Variants in VPS13D observed in about 807,000 individuals in gnomAD.
The protein encoded by VPS13D is vacuolar protein sorting 13 homolog D, also known as intermembrane lipid transfer protein VPS13D.
A neutral mutation model predicts 461.9 loss-of-function variants in VPS13D; 187 were observed. That is an observed-to-expected ratio of 0.40 (90% CI 0.36 to 0.46). VPS13D has a LOEUF of 0.46. VPS13D is among the 20% of genes least tolerant of loss of function. The pLI, the probability that VPS13D is intolerant of heterozygous loss-of-function variation, is 0.60. For missense variants in VPS13D, 4,711 were observed against 5,364.9 expected, an observed-to-expected ratio of 0.88 and a Z score of 3.81; for synonymous variants, 1,951 against 1,986.3, an observed-to-expected ratio of 0.98 and a Z score of 0.47.
chr1:12,383,427 A>G (rs1304278586), intron 58 of VPS13D, among the ~76,000 whole-genome samples: 1 of 152,166 alleles, frequency 6.6e-6, no homozygotes, highest in Non-Finnish European at 1.5e-5. Context: ...TTAACAGTGC[A>G]TATTAATAGT....
At position 12,288,217 on chromosome 1, in the gene VPS13D, T is replaced by C. The variant is rs753025407; in HGVS notation, c.5635-6T>C. The stretch of plus-strand genomic sequence containing the variant: ...ATTGGCCTTGCTTTATCTTGTCTGT[T>C]CCTAGGTTCATTCACTTTCTCTAGT... On this transcript the variant is annotated splice_region_variant and splice_polypyrimidine_tract_variant and intron_variant, in intron 21 of 69. Coordinates refer to ENST00000620676, the MANE Select transcript of VPS13D (RefSeq NM_015378.4). 3 of 1,612,196 alleles carry C rather than the reference T, an allele frequency of 1.9e-6. No homozygotes were observed. In the Admixed American group the frequency reaches 5.0e-5, roughly 27 times the overall value.
chr1:12,396,237 A>G (rs1644497184), intron 60 of VPS13D, among the ~76,000 whole-genome samples: 1 of 151,498 alleles, frequency 6.6e-6, no homozygotes, highest in Non-Finnish European at 1.5e-5. Context: ...GTGTGACTGT[A>G]GGGCCGTTGG....
intron 55 of VPS13D, among the ~76,000 whole-genome samples, chr1:12,374,847 C>T (rs189302310): frequency 1.4e-4 from 22 of 152,306 alleles, no homozygotes; most frequent in African/African-American, 5.3e-4. Flanking sequence ...AAGTGATTCT[C>T]CTGCCTCAGC....
intron 13 of VPS13D, among the ~76,000 whole-genome samples, chr1:12,263,698 A>G (rs879606315): frequency 1.4e-4 from 22 of 152,146 alleles, no homozygotes; most frequent in Admixed American, 2.0e-4. Context: ...AGGACAAATG[A>G]TTTTTTTTAA....
intron 63 of VPS13D, among the ~76,000 whole-genome samples, chr1:12,406,709 C>T (rs1644660696): frequency 6.6e-6 from 1 of 152,188 alleles, no homozygotes; most frequent in Non-Finnish European, 1.5e-5. Flanking sequence ...TCTCTCCATT[C>T]TCTCAAGTTT....
chr1:12,493,376 G>A (rs185337231), intron 67 of VPS13D, among the ~76,000 whole-genome samples: 16 of 151,668 alleles, frequency 1.1e-4, no homozygotes, highest in African/African-American at 3.6e-4. Context: ...CCAGCTACTC[G>A]GGAGGCTGAG....
At chr1:12,293,485 T>C in intron 23 of VPS13D, 39 bp from the exon 24 acceptor site, 1 of 1,540,760 alleles carries the variant, frequency 6.5e-7, no homozygotes, top group Non-Finnish European at 8.8e-7. Flanking sequence ...AACTTGTGTC[T>C]TGCTGTTATC....
chr1:12,491,723 A>G (rs942832439), intron 67 of VPS13D, among the ~76,000 whole-genome samples: 2 of 152,250 alleles, frequency 1.3e-5, no homozygotes, highest in Non-Finnish European at 2.9e-5. Context: ...CCCTGGGGGA[A>G]GAGTCCTCCA....
At chr1:12,345,612 T>C (rs1569962686) in intron 43 of VPS13D, 103 bp downstream of exon 43, 1 of 1,469,822 alleles carries the variant, frequency 6.8e-7, no homozygotes, top group East Asian at 2.3e-5. Flanking sequence ...GTTCTTTCTT[T>C]CCCCTAATTC....
At chr1:12,280,108 T>A (rs965074719) in intron 20 of VPS13D, among the ~76,000 whole-genome samples, 3 of 152,230 alleles carry the variant, frequency 2.0e-5, no homozygotes, top group Non-Finnish European at 4.4e-5. Context: ...TCTTTTTTTA[T>A]GGGCATGCAT....
rs757356623 is a variant in VPS13D at position 12,383,164 on chromosome 1, T to A, written c.11370+9T>A. ...CAACTAGAGCACTCCAGGTGATAAT[T>A]TGTCATAAGAGCTGATGTGAAACTC... On this transcript the variant is annotated intron_variant, in intron 58 of 69. Transcript: ENST00000620676. 1 of 1,607,178 alleles carries A rather than the reference T, an allele frequency of 6.2e-7. No individual in the cohort carries two copies. Among genetic ancestry groups the A allele is most frequent in the Non-Finnish European group, 8.5e-7 (1 of 1,177,240 alleles).
chr1:12,360,279 T>A (rs1034701153), intron 50 of VPS13D, among the ~76,000 whole-genome samples: 1 of 152,196 alleles, frequency 6.6e-6, no homozygotes, highest in Non-Finnish European at 1.5e-5. Flanking sequence ...ATTTGTGGAA[T>A]CTCCTGCTTG....
intron 63 of VPS13D, among the ~76,000 whole-genome samples, chr1:12,405,373 CAT>C (rs1463892637): frequency 3.3e-5 from 5 of 152,194 alleles, no homozygotes; most frequent in Admixed American, 6.5e-5. Context: ...GTGTGGGCCT[CAT>C]GTGGCCGTGT....
intron 42 of VPS13D, among the ~76,000 whole-genome samples, chr1:12,344,328 T>A (rs894202595): frequency 1.3e-5 from 2 of 152,214 alleles, no homozygotes; most frequent in Admixed American, 1.3e-4. Flanking sequence ...CAAGCAGGTT[T>A]CCTTTTGCAT....
rs773970688 is a variant in VPS13D at position 12,507,375 on chromosome 1, C to T, written c.13035+282C>T. 1.5e-6 allele frequency: 1 copy of T among 651,278 alleles called. No individual in the cohort carries two copies. The highest frequency in any genetic ancestry group is 1.8e-5 in the Admixed American group (1 of 55,466). The allele number at this position is 651,278 out of a possible 1,614,324, so 40.3% of individuals were successfully genotyped here. A position where few individuals can be genotyped will look rare whatever the true frequency, so the allele number is the denominator to read the frequency against. On this transcript the variant is annotated intron_variant, in intron 69 of 69. Transcript: ENST00000620676. This position sits in a 1 kb window ranked among gnomAD's most constrained non-coding sequence, Gnocchi z 5.3. ...TGTAGTGAGGGTAACAATACTTACTCTCGTTGGTGATAAGGAACAGCTAAC... is the reference window on the plus strand; with the variant it reads ...TGTAGTGAGGGTAACAATACTTACTTTCGTTGGTGATAAGGAACAGCTAAC...
At chr1:12,458,048 C>T (rs1645353493) in intron 66 of VPS13D, among the ~76,000 whole-genome samples, 1 of 152,178 alleles carries the variant, frequency 6.6e-6, no homozygotes, top group Non-Finnish European at 1.5e-5. Context: ...TCTGGATGAA[C>T]ACACAAATGT....
At chr1:12,395,434 C>T (rs570539372) in intron 60 of VPS13D, among the ~76,000 whole-genome samples, 7 of 152,242 alleles carry the variant, frequency 4.6e-5, no homozygotes, top group East Asian at 3.9e-4. Flanking sequence ...GTGCATCTTT[C>T]GGCGTGCATC....
rs1468310862 is a variant in VPS13D, at chr1:12,400,978, A to G, written c.11785-630A>G. ...TGCGCGCGCGCACACACACACACAC[A>G]CACACACACACACACACACACACAC... On this transcript the variant is annotated intron_variant, in intron 61 of 69. Coordinates refer to ENST00000620676, the MANE Select transcript of VPS13D (RefSeq NM_015378.4). Among the ~76,000 whole-genome samples, 231 of 148,486 alleles carry G rather than the reference A, an allele frequency of 1.6e-3. 1 individual carries two copies. Among genetic ancestry groups the G allele is most frequent in the African/African-American group, 5.5e-3 (213 of 38,426 alleles).
At chr1:12,459,148 T>C (rs541641142) in intron 66 of VPS13D, among the ~76,000 whole-genome samples, 23 of 152,238 alleles carry the variant, frequency 1.5e-4, no homozygotes, top group South Asian at 2.1e-4. Flanking sequence ...CAGCCAACCA[T>C]GGATGGAAAA....
Sources: gnomAD v4.1 joint callset for allele counts (sites outside exome capture counted in the v4.1 genomes callset) on GRCh38, gnomAD v4.1.1 for gene constraint, Gnocchi (gnomAD v3.1) non-coding constraint, MANE v1.5 for transcripts, NCBI Gene and HGNC (gene_info 2026-07-23, HGNC 2026-07-21) for gene names.